The following LOXHD1 variants were observed in gnomAD, a reference collection of about 807,000 sequenced individuals.
LOXHD1 encodes the protein lipoxygenase homology domain-containing protein 1.
In LOXHD1, 205 loss-of-function variants were observed where a neutral mutation model predicts 248.2. The ratio of observed to expected loss-of-function variants is 0.83; its 90% confidence interval spans 0.74 to 0.93. The LOEUF is 0.93. Ranked by LOEUF, LOXHD1 falls within the 40% of genes least tolerant of loss-of-function variation. The pLI, the probability that LOXHD1 is intolerant of heterozygous loss-of-function variation, is 0.00. For missense variants in LOXHD1, 2,930 were observed against 2,971.6 expected (o/e 0.99, Z 0.33); for synonymous variants, 1,113 against 1,162.8 (o/e 0.96, Z 0.87).
intron 1 of LOXHD1, among the ~76,000 whole-genome samples, chr18:46,655,396 G>A (rs563006194): frequency 1.3e-4 from 20 of 152,330 alleles, no homozygotes; most frequent in East Asian, 7.7e-4. Flanking sequence ...TGCAGAGCCC[G>A]TAAACAGAAG....
At chr18:46,604,430 C>T (rs942726731) in intron 6 of LOXHD1, among the ~76,000 whole-genome samples, 3 of 152,208 alleles carry the variant, frequency 2.0e-5, no homozygotes, top group African/African-American at 4.8e-5. Flanking sequence ...GGATGACTGG[C>T]GATTACCTTC....
In LOXHD1 at chr18:46,485,059, A is replaced by G. The variant is rs1456902568; in HGVS notation, c.6142T>C (p.Phe2048Leu). The change falls in exon 39 of 41, where the codon TTT (phenylalanine) becomes CTT (leucine). Residue 2048 changes from phenylalanine (F) to leucine (L), a missense_variant. Transcript: ENST00000642948. ...LEGRKNRSKE[F>L]LMENSSRQRA... is the part of the protein sequence containing the mutation. ...TGCCTAGAAGAATTTTCCATGAGAA[A>G]CTCTTTGGATCGGTTCTTCCTGCCC... 1.3e-6 allele frequency: 2 copies of G among 1,543,000 alleles called. No homozygotes were observed. The highest frequency in any genetic ancestry group is 1.7e-6 in the Non-Finnish European group (2 of 1,143,826).
At chr18:46,530,184 G>A (rs1268700553) in intron 28 of LOXHD1, among the ~76,000 whole-genome samples, 1 of 152,140 alleles carries the variant, frequency 6.6e-6, no homozygotes, top group Admixed American at 6.5e-5. Flanking sequence ...AACTTGGCTG[G>A]ATTATCCCCA....
chr18:46,517,634 G>A (rs562992057), intron 34 of LOXHD1, among the ~76,000 whole-genome samples: 2 of 152,088 alleles, frequency 1.3e-5, no homozygotes, highest in Non-Finnish European at 2.9e-5. Flanking sequence ...CAGTGCCTGA[G>A]TCAGTGCCTG....
intron 25 of LOXHD1, among the ~76,000 whole-genome samples, chr18:46,540,039 TA>T (rs2036487881): frequency 6.6e-6 from 1 of 152,248 alleles, no homozygotes; most frequent in African/African-American, 2.4e-5. Context: ...TAAGACTTCC[TA>T]CATGTCAGAC....
intron 18 of LOXHD1, among the ~76,000 whole-genome samples, chr18:46,561,738 T>G (rs1002564327): frequency 1.3e-5 from 2 of 152,178 alleles, no homozygotes; most frequent in African/African-American, 4.8e-5. Context: ...TTACCAGTCA[T>G]GGTAGAGCCC....
At position 46,560,528 on chromosome 18, in the gene LOXHD1, C is replaced by T; in HGVS notation, c.2616G>A (p.Val872=). 6.5e-7 allele frequency: 1 copy of T among 1,531,624 alleles called. No homozygotes were observed. Among genetic ancestry groups the T allele is most frequent in the Non-Finnish European group, 8.7e-7 (1 of 1,143,276 alleles). 94.9% of individuals were successfully genotyped at this position (1,531,624 alleles called of 1,614,324 possible). A position where few individuals can be genotyped will look rare whatever the true frequency, so the allele number is the denominator to read the frequency against. ...KDTFQLEAAD[V]GEVYKLRLGH... ...CGAGCCGGAGCTTATAGACCTCGCC[C>T]ACGTCGGCCGCCTCAAGCTGTTCAA... is the stretch of plus-strand genomic sequence containing the variant. The change falls in exon 19 of 41, where the codon GTG becomes GTA. Residue 872 remains valine, a synonymous_variant. Transcript: ENST00000642948.
At chr18:46,570,334 G>A (rs576673382) in intron 15 of LOXHD1, among the ~76,000 whole-genome samples, 1 of 152,352 alleles carries the variant, frequency 6.6e-6, no homozygotes, top group East Asian at 1.9e-4. Context: ...AGTCCTCCAG[G>A]CTTGTTCCTG....
At chr18:46,604,602 G>A (rs970380834) in intron 6 of LOXHD1, among the ~76,000 whole-genome samples, 5 of 152,226 alleles carry the variant, frequency 3.3e-5, no homozygotes. Context: ...CAGGCTGAAG[G>A]TTGGGATTCT....
chr18:46,560,545 G>A lies in LOXHD1; in HGVS notation c.2599C>T (p.Leu867Phe). 1.3e-6 allele frequency: 2 copies of A among 1,527,758 alleles called. No homozygotes were observed. Among genetic ancestry groups the A allele is most frequent in the South Asian group, 2.4e-5 (2 of 83,416 alleles). The allele number at this position is 1,527,758 out of a possible 1,614,324, so 94.6% of individuals were successfully genotyped here. A position where few individuals can be genotyped will look rare whatever the true frequency, so the allele number is the denominator to read the frequency against. Residue 867 changes from leucine to phenylalanine, a missense_variant and splice_region_variant, in exon 19 of 41, where the codon CTT becomes TTT. Leu to Phe is a conservative substitution (Grantham distance 22). Coordinates refer to ENST00000642948, the MANE Select transcript of LOXHD1 (RefSeq NM_001384474.1). ...ACCTCGCCCACGTCGGCCGCCTCAA[G>A]CTGTTCAAAGGGCAGGGCAGCGGCT... ...FERASKDTFQLEAADVGEVYK... is the reference protein window; with the variant it reads ...FERASKDTFQFEAADVGEVYK...
At chr18:46,541,732 TG>T (rs1568160628) in intron 25 of LOXHD1, 43 bp downstream of exon 25, 2 of 1,549,484 alleles carry the variant, frequency 1.3e-6, no homozygotes, top group East Asian at 4.9e-5. Context: ...TAGCTGGTGA[TG>T]GGGCCCCAGA....
chr18:46,505,518 G>T (rs140646742), intron 37 of LOXHD1, among the ~76,000 whole-genome samples: 1 of 152,198 alleles, frequency 6.6e-6, no homozygotes, highest in Non-Finnish European at 1.5e-5. Context: ...CATGGGAAAT[G>T]AACTGGTGAT....
In LOXHD1 at chr18:46,557,401, C is replaced by T. The variant is rs903670330; in HGVS notation, c.3305G>A (p.Trp1102Ter). 6.4e-7 allele frequency: 1 copy of T among 1,552,220 alleles called. No homozygotes were observed. Among genetic ancestry groups the T allele is most frequent in the Non-Finnish European group, 8.7e-7 (1 of 1,147,148 alleles). Reference sequence around the variant, plus strand: ...AGTAATGTCTATTCTGTCCAGGAACCAGCCTGCTCTGTTGCCTGTGTTGTC... The same window carrying T: ...AGTAATGTCTATTCTGTCCAGGAACTAGCCTGCTCTGTTGCCTGTGTTGTC... ...RHDNTGNRAG[W>*]FLDRIDITDM... is the part of the protein sequence containing the mutation. Residue 1102 changes from tryptophan (W) to a stop codon, truncating the protein, a stop_gained, in exon 21 of 41, where the codon TGG becomes TAG. Coordinates refer to ENST00000642948, the MANE Select transcript of LOXHD1 (RefSeq NM_001384474.1). LOFTEE classifies it high-confidence loss of function.
rs185200705 is a variant in LOXHD1, at chr18:46,602,514, G to A, written c.884-1047C>T. 5.9e-5 allele frequency among the ~76,000 whole-genome samples: 9 copies of A among 152,078 alleles called. 1 individual carries two copies. The highest frequency in any genetic ancestry group is 5.9e-4 in the Admixed American group (9 of 15,264). ...AGACACCATGCCTGGCCTACATTCT[G>A]TAATTCTGTCCTGGGGTCTAAGGCG... On this transcript the variant is annotated intron_variant, in intron 7 of 40. Transcript: ENST00000642948.
At chr18:46,655,684 C>T (rs2039171879) in intron 1 of LOXHD1, among the ~76,000 whole-genome samples, 1 of 152,250 alleles carries the variant, frequency 6.6e-6, no homozygotes, top group South Asian at 2.1e-4. Flanking sequence ...AAAGGGGCCA[C>T]AGCCTTCCTG....
intron 34 of LOXHD1, among the ~76,000 whole-genome samples, chr18:46,515,216 G>T (rs1181102135): frequency 6.6e-6 from 1 of 152,090 alleles, no homozygotes; most frequent in Non-Finnish European, 1.5e-5. Flanking sequence ...GCCTCATTCT[G>T]GTCACATACC....
chr18:46,537,510 G>T (rs752728692), intron 26 of LOXHD1, among the ~76,000 whole-genome samples: 3 of 152,172 alleles, frequency 2.0e-5, no homozygotes, highest in Non-Finnish European at 4.4e-5. Context: ...CAGGATCTGA[G>T]CTCTCCCCTT....
At chr18:46,575,839 C>T (rs1334998474) in intron 14 of LOXHD1, among the ~76,000 whole-genome samples, 1 of 152,200 alleles carries the variant, frequency 6.6e-6, no homozygotes, top group East Asian at 1.9e-4. Context: ...GCTCTCCCCT[C>T]CTCCCTGGGC....
intron 12 of LOXHD1, among the ~76,000 whole-genome samples, chr18:46,587,906 C>G (rs970376460): frequency 6.6e-6 from 1 of 152,164 alleles, no homozygotes; most frequent in Admixed American, 6.6e-5. Flanking sequence ...TCCCAAAAGC[C>G]TCTTGGCTCT....
Sources: allele counts gnomAD v4.1 joint callset (sites outside exome capture counted in the v4.1 genomes callset), GRCh38; gene constraint gnomAD v4.1.1; transcripts MANE v1.5; gene names NCBI Gene and HGNC (gene_info 2026-07-23, HGNC 2026-07-21).